Variants in PHLPP2 observed in about 807,000 individuals in gnomAD.
PHLPP2 encodes the protein PH domain and leucine rich repeat protein phosphatase 2, also known as PH domain leucine-rich repeat-containing protein phosphatase 2.
A neutral mutation model predicts 124.9 loss-of-function variants in PHLPP2; 66 were observed. The observed-to-expected ratio is 0.53, with a 90% confidence interval of 0.43 to 0.65. The LOEUF (loss-of-function observed/expected upper bound fraction) is 0.65, where lower values mean the gene tolerates loss of function less well. Among genes scored for constraint, PHLPP2 ranks in the 30% least tolerant of loss-of-function variants. The pLI, the probability that PHLPP2 is intolerant of heterozygous loss-of-function variation, is 0.00. For synonymous variants in PHLPP2, 681 were observed against 624.7 expected, an observed-to-expected ratio of 1.09 and a Z score of -1.34; for missense variants, 1,685 against 1,600.4, an observed-to-expected ratio of 1.05 and a Z score of -0.90.
intron 1 of PHLPP2, among the ~76,000 whole-genome samples, chr16:71,718,557 G>T (rs2045378321): frequency 6.7e-6 from 1 of 149,742 alleles, no homozygotes; most frequent in East Asian, 2.0e-4. Flanking sequence ...TCCAGCCTGG[G>T]TGACAGTGCA....
rs1567608793 is a variant in PHLPP2 at position 71,645,074 on chromosome 16, TATA to T, written c.*3813_*3815del. ...CATTTCAAAAATATCAAAAATACAC[TATA>T]ATGAGTCTTAAGACTACAATACGAC... On this transcript the variant is annotated 3_prime_UTR_variant, in exon 19 of 19. Transcript: ENST00000568954. The T allele has an allele frequency of 3.7e-6, 1 of 273,954 alleles. No individual in the cohort carries two copies. The highest frequency in any genetic ancestry group is 2.3e-5 in the African/African-American group (1 of 43,620). The allele number at this position is 273,954 out of a possible 1,614,324, so 17.0% of individuals were successfully genotyped here.
intron 3 of PHLPP2, among the ~76,000 whole-genome samples, chr16:71,697,817 C>CT (rs1003788064): frequency 5.9e-4 from 77 of 129,462 alleles, no homozygotes; most frequent in African/African-American, 9.3e-4. Context: ...CTCTCTCTCT[C>CT]TTTTTTTTTT....
chr16:71,677,877 T>C (rs2044961753), intron 8 of PHLPP2: 1 of 152,170 alleles, frequency 6.6e-6, no homozygotes, highest in Non-Finnish European at 1.5e-5. Flanking sequence ...TACAAACTAC[T>C]AATATACATA....
chr16:71,715,364 G>C (rs74203691), intron 1 of PHLPP2: 16,874 of 151,440 alleles, frequency 0.11, 1,351 homozygotes, highest in South Asian at 0.39. Flanking sequence ...GCGAGACCTT[G>C]TCTCTCAAAA....
chr16:71,698,670 G>A (rs1216235748), intron 3 of PHLPP2: 1 of 527,026 alleles, frequency 1.9e-6, no homozygotes, highest in Non-Finnish European at 3.6e-6. Context: ...CCTCCCTGAG[G>A]AAAGGAACTC....
intron 1 of PHLPP2, among the ~76,000 whole-genome samples, chr16:71,722,638 C>G (rs765400591): frequency 6.6e-6 from 1 of 152,120 alleles, no homozygotes; most frequent in African/African-American, 2.4e-5. Context: ...TTTTTAACAT[C>G]ATACGTTTTG....
chr16:71,697,248 C>A (rs1466706914), intron 3 of PHLPP2, among the ~76,000 whole-genome samples: 1 of 151,880 alleles, frequency 6.6e-6, no homozygotes, highest in Non-Finnish European at 1.5e-5. Context: ...ATTTTCCACA[C>A]TTGACTTCAA....
At chr16:71,652,749 G>A in intron 18 of PHLPP2, 41 bp downstream of exon 18, 7 of 1,455,388 alleles carry the variant, frequency 4.8e-6, no homozygotes, top group Non-Finnish European at 6.8e-6. Context: ...AGCCTCCACT[G>A]ATTTGGGGAG....
chr16:71,718,198 T>C (rs113301126), intron 1 of PHLPP2, among the ~76,000 whole-genome samples: 6,722 of 152,196 alleles, frequency 0.044, 477 homozygotes, highest in African/African-American at 0.15. Context: ...AGGCCTGATT[T>C]TTCTTCTGTG....
chr16:71,687,942 T>C (rs962453171), intron 4 of PHLPP2, among the ~76,000 whole-genome samples: 1 of 152,208 alleles, frequency 6.6e-6, no homozygotes, highest in Non-Finnish European at 1.5e-5. Context: ...TACATTCAGC[T>C]ACTAAACAGT....
chr16:71,723,775 G>A, intron 1 of PHLPP2: 6 of 1,334,514 alleles, frequency 4.5e-6, no homozygotes, highest in Non-Finnish European at 5.8e-6. Flanking sequence ...TCACCTTCAG[G>A]ACCCGGATCC....
intron 3 of PHLPP2, among the ~76,000 whole-genome samples, chr16:71,695,329 T>G (rs773809086): frequency 1.3e-5 from 2 of 152,170 alleles, no homozygotes; most frequent in Non-Finnish European, 2.9e-5. Flanking sequence ...CGTCCAAAAC[T>G]GGAAACAAAG....
chr16:71,666,064 G>A (rs1596994292), intron 12 of PHLPP2: 1 of 152,046 alleles, frequency 6.6e-6, no homozygotes, highest in African/African-American at 2.4e-5. Context: ...CCACGTTGTA[G>A]AAAAATATAA....
At chr16:71,682,339 T>C (rs1295521810) in intron 5 of PHLPP2, among the ~76,000 whole-genome samples, 1 of 151,166 alleles carries the variant, frequency 6.6e-6, no homozygotes, top group Non-Finnish European at 1.5e-5. Context: ...TGTGCCACCA[T>C]GCCAGGCTAA....
Position 71,648,968 on chromosome 16 carries a change from G to A in PHLPP2, c.3894C>T (p.His1298=). 1 of 1,614,010 alleles carries A rather than the reference G, an allele frequency of 6.2e-7. No homozygotes were observed. Among genetic ancestry groups the A allele is most frequent in the Non-Finnish European group, 8.5e-7 (1 of 1,180,018 alleles). ...EEEVKEQMKQ[H]QDSRLEPEPH... ...GCTCAGGCTCGAGCCGGCTGTCCTG[G>A]TGCTGTTTCATTTGTTCCTTCACTT... The change falls in exon 19 of 19, where the codon CAC becomes CAT. Residue 1298 remains histidine, a synonymous_variant. Transcript: ENST00000568954.
chr16:71,679,068 T>C (rs553644423), intron 7 of PHLPP2, 83 bp from the exon 8 acceptor site: 2 of 765,474 alleles, frequency 2.6e-6, no homozygotes, highest in East Asian at 5.1e-5. Flanking sequence ...TTCTGATTTA[T>C]GTCACTAATT....
At position 71,649,186 on chromosome 16, in the gene PHLPP2, A is replaced by T; in HGVS notation, c.3676T>A (p.Leu1226Ile). 6.2e-7 allele frequency: 1 copy of T among 1,613,698 alleles called. No individual in the cohort carries two copies. The highest frequency in any genetic ancestry group is 8.5e-7 in the Non-Finnish European group (1 of 1,179,888). Residue 1226 changes from leucine (L) to isoleucine (I), a missense_variant, in exon 19 of 19, where the codon TTA becomes ATA. Physicochemically the swap from Leu to Ile is conservative, Grantham distance 5. Transcript: ENST00000568954. ...LLPMSKDRME[L>I]QKSPSTSCLY... is the part of the protein sequence containing the mutation. ...CAGGAGGTGGAGGGAGACTTCTGTAACTCCATCCTGTCCTTGCTCATTGGC... is the reference window on the plus strand; with the variant it reads ...CAGGAGGTGGAGGGAGACTTCTGTATCTCCATCCTGTCCTTGCTCATTGGC...
At chr16:71,658,617 C>T (rs757415166) in intron 14 of PHLPP2, 36 bp downstream of exon 14, 1 of 1,589,522 alleles carries the variant, frequency 6.3e-7, no homozygotes, top group Non-Finnish European at 8.6e-7. Context: ...CTGCCATTTC[C>T]CCCAATAAGG....
Position 71,649,199 on chromosome 16 carries a change from C to T in PHLPP2, c.3663G>A (p.Lys1221=), listed in dbSNP as rs2044675752. 1 of 1,614,130 alleles carries T rather than the reference C, an allele frequency of 6.2e-7. No individual in the cohort carries two copies. ...GAGACTTCTGTAACTCCATCCTGTCCTTGCTCATTGGCAGGAGCATGCCAC... is the reference window on the plus strand; with the variant it reads ...GAGACTTCTGTAACTCCATCCTGTCTTTGCTCATTGGCAGGAGCATGCCAC... ...VNSGMLLPMS[K]DRMELQKSPS... Residue 1221 remains lysine (K), a synonymous_variant, in exon 19 of 19, where the codon AAG becomes AAA. Coordinates refer to ENST00000568954, the MANE Select transcript of PHLPP2 (RefSeq NM_015020.3).
Sources: gnomAD v4.1 joint callset for allele counts (sites outside exome capture counted in the v4.1 genomes callset) on GRCh38, gnomAD v4.1.1 for gene constraint, MANE v1.5 for transcripts, NCBI Gene and HGNC (gene_info 2026-07-23, HGNC 2026-07-21) for gene names.